The following NKAIN3 variants were observed in gnomAD, a reference collection of about 807,000 sequenced individuals.
NKAIN3 encodes the protein sodium/potassium transporting ATPase interacting 3, also known as sodium/potassium-transporting ATPase subunit beta-1-interacting protein 3.
Under a neutral mutation model 30.2 loss-of-function variants are expected in NKAIN3, and 25 were observed. The observed-to-expected ratio is 0.83, with a 90% CI of 0.60 to 1.16. The LOEUF (loss-of-function observed/expected upper bound fraction) is 1.16. Ranked by LOEUF, NKAIN3 falls within the 50% of genes most tolerant of loss-of-function variation. The probability of loss-of-function intolerance (pLI) is 0.00; values close to 1 mark genes in which losing one functional copy is unlikely to be tolerated. For missense variants in NKAIN3, 225 were observed against 254.1 expected (o/e 0.89, Z 0.78); for synonymous variants, 91 against 89.6 (o/e 1.02, Z -0.09).
intron 4 of NKAIN3, among the ~76,000 whole-genome samples, chr8:62,788,234 C>A (rs1049623437): frequency 6.6e-6 from 1 of 152,310 alleles, no homozygotes; most frequent in East Asian, 1.9e-4. Flanking sequence ...GCCATTCTAA[C>A]TGGTGTGAGA....
At chr8:62,453,767 GA>G (rs1466095241) in intron 1 of NKAIN3, among the ~76,000 whole-genome samples, 2 of 152,120 alleles carry the variant, frequency 1.3e-5, no homozygotes, top group Non-Finnish European at 2.9e-5. Flanking sequence ...GCATAAGCTA[GA>G]AAACATAGAA....
At chr8:62,870,697 A>ATATATCTATATC (rs1554586647) in intron 4 of NKAIN3, among the ~76,000 whole-genome samples, 1 of 107,836 alleles carries the variant, frequency 9.3e-6, no homozygotes, top group African/African-American at 3.9e-5. Context: ...CTCTCTATCT[A>ATATATCTATATC]TATATCTATA....
intron 5 of NKAIN3, among the ~76,000 whole-genome samples, chr8:62,925,096 A>C (rs1250370208): frequency 6.6e-6 from 1 of 152,026 alleles, no homozygotes; most frequent in East Asian, 1.9e-4. Flanking sequence ...CTTCTCACAA[A>C]CACCCTCTTC....
At chr8:62,899,709 T>C (rs1303873873) in intron 4 of NKAIN3, among the ~76,000 whole-genome samples, 1 of 152,170 alleles carries the variant, frequency 6.6e-6, no homozygotes, top group Admixed American at 6.6e-5. Context: ...TATAATAACT[T>C]AATTGTACAT....
intron 1 of NKAIN3, among the ~76,000 whole-genome samples, chr8:62,262,190 T>C (rs1428209086): frequency 2.0e-5 from 3 of 152,180 alleles, no homozygotes; most frequent in Non-Finnish European, 4.4e-5. Flanking sequence ...CACGGCTTTT[T>C]CTTTTGTTTT....
chr8:62,346,524 C>T (rs1309283442), intron 1 of NKAIN3, among the ~76,000 whole-genome samples: 1 of 152,062 alleles, frequency 6.6e-6, no homozygotes, highest in African/African-American at 2.4e-5. Context: ...TAATTTATCA[C>T]ATGTATATTT....
At chr8:62,837,350 T>C (rs1191430498) in intron 4 of NKAIN3, among the ~76,000 whole-genome samples, 1 of 152,152 alleles carries the variant, frequency 6.6e-6, no homozygotes, top group African/African-American at 2.4e-5. Flanking sequence ...TGCTGAACCA[T>C]AGTTTGGAAA....
At chr8:62,329,393 G>A (rs1815259737) in intron 1 of NKAIN3, among the ~76,000 whole-genome samples, 2 of 152,056 alleles carry the variant, frequency 1.3e-5, no homozygotes, top group Non-Finnish European at 2.9e-5. Flanking sequence ...TTTGTTACAT[G>A]GATAAATTGT....
chr8:62,561,229 TGATTC>T (rs2129978858), intron 1 of NKAIN3, among the ~76,000 whole-genome samples: 1 of 152,284 alleles, frequency 6.6e-6, no homozygotes, highest in East Asian at 1.9e-4. Context: ...CATCACCTCA[TGATTC>T]CTCAGGTAGC....
intron 1 of NKAIN3, among the ~76,000 whole-genome samples, chr8:62,276,582 A>G (rs866337581): frequency 6.6e-6 from 1 of 152,224 alleles, no homozygotes; most frequent in African/African-American, 2.4e-5. Context: ...TGGATTTTGA[A>G]TGTACCTACG....
chr8:62,494,871 C>A (rs934195417), intron 1 of NKAIN3, among the ~76,000 whole-genome samples: 9 of 151,972 alleles, frequency 5.9e-5, no homozygotes, highest in Admixed American at 2.0e-4. Flanking sequence ...TTTGTGATTT[C>A]TAATTGTATT....
intron 5 of NKAIN3, among the ~76,000 whole-genome samples, chr8:62,950,926 T>G (rs540553037): frequency 6.7e-6 from 1 of 149,896 alleles, no homozygotes; most frequent in African/African-American, 2.5e-5. Flanking sequence ...GCGAGATGCA[T>G]GAGCAATAAA....
intron 1 of NKAIN3, among the ~76,000 whole-genome samples, chr8:62,372,432 T>A (rs966245557): frequency 6.6e-6 from 1 of 151,934 alleles, no homozygotes; most frequent in African/African-American, 2.4e-5. Context: ...TTCCTTTTCA[T>A]GTTTCTGAAA....
intron 3 of NKAIN3, among the ~76,000 whole-genome samples, chr8:62,745,992 C>A (rs1471794712): frequency 6.6e-6 from 1 of 152,220 alleles, no homozygotes; most frequent in Non-Finnish European, 1.5e-5. Context: ...ATATTAGTTT[C>A]TCATGACTGC....
At chr8:62,945,968 A>C (rs1014615120) in intron 5 of NKAIN3, among the ~76,000 whole-genome samples, 4 of 152,110 alleles carry the variant, frequency 2.6e-5, no homozygotes, top group African/African-American at 9.7e-5. Context: ...AAGAAGTAAA[A>C]AATGTTGGTA....
chr8:62,501,456 C>T (rs1335840063), intron 1 of NKAIN3, among the ~76,000 whole-genome samples: 1 of 152,084 alleles, frequency 6.6e-6, no homozygotes, highest in Non-Finnish European at 1.5e-5. Flanking sequence ...TTCTCAATTC[C>T]TCCTGAGTTA....
intron 3 of NKAIN3, among the ~76,000 whole-genome samples, chr8:62,735,871 G>A (rs554621336): frequency 2.0e-5 from 3 of 152,206 alleles, no homozygotes; most frequent in African/African-American, 7.2e-5. Flanking sequence ...CCTAGGAATG[G>A]GACTTCCTGA....
intron 3 of NKAIN3, among the ~76,000 whole-genome samples, chr8:62,649,653 T>G (rs998481047): frequency 6.6e-6 from 1 of 152,166 alleles, no homozygotes; most frequent in Non-Finnish European, 1.5e-5. Flanking sequence ...GCATTCTCAC[T>G]GCCTCTTCAT....
chr8:62,378,931 A>C (rs1367117599), intron 1 of NKAIN3, among the ~76,000 whole-genome samples: 1 of 152,134 alleles, frequency 6.6e-6, no homozygotes, highest in Non-Finnish European at 1.5e-5. Flanking sequence ...ATCTACCAAC[A>C]GTTTGCACCT....
Sources: allele counts gnomAD v4.1 joint callset (sites outside exome capture counted in the v4.1 genomes callset), GRCh38; gene constraint gnomAD v4.1.1; transcripts MANE v1.5; gene names NCBI Gene and HGNC (gene_info 2026-07-23, HGNC 2026-07-21).